Variants in RBFOX1 observed in about 807,000 individuals in gnomAD.
RBFOX1 encodes RNA binding protein fox-1 homolog 1.
A neutral mutation model predicts 57.7 loss-of-function variants in RBFOX1; 8 were observed. The ratio of observed to expected loss-of-function variants is 0.14; its 90% CI spans 0.08 to 0.25. The LOEUF is 0.25. RBFOX1 is among the 10% of genes least tolerant of loss of function. The pLI is 1.00. For missense variants in RBFOX1, 611 were observed against 548.5 expected, an observed-to-expected ratio of 1.11 and a Z score of -1.14; for synonymous variants, 326 against 222.4, an observed-to-expected ratio of 1.47 and a Z score of -4.15.
At chr16:5,750,945 C>T (rs570256917) in intron 3 of RBFOX1, among the ~76,000 whole-genome samples, 5 of 152,302 alleles carry the variant, frequency 3.3e-5, no homozygotes, top group South Asian at 2.1e-4. Context: ...CTGTCTTCTG[C>T]GTTGCTCACG....
chr16:5,239,769 G>GC (rs2062116776), upstream of RBFOX1: 3 of 579,756 alleles, frequency 5.2e-6, no homozygotes, highest in Non-Finnish European at 5.8e-6. Context: ...CGGCCCCGAT[G>GC]CCCAGCTCCG....
At chr16:5,768,208 C>T (rs1170886653) in intron 3 of RBFOX1, among the ~76,000 whole-genome samples, 2 of 152,128 alleles carry the variant, frequency 1.3e-5, no homozygotes, top group African/African-American at 2.4e-5. Flanking sequence ...GTTTTTGGAG[C>T]ATGAGAGAAG....
intron 1 of RBFOX1, among the ~76,000 whole-genome samples, chr16:6,032,052 G>C (rs2095298366): frequency 6.6e-6 from 1 of 151,762 alleles, no homozygotes; most frequent in African/African-American, 2.4e-5. Context: ...CGGCATTTTG[G>C]AGTGTGTTTT....
At chr16:6,845,778 C>G (rs745430472) in intron 3 of RBFOX1, among the ~76,000 whole-genome samples, 2 of 152,206 alleles carry the variant, frequency 1.3e-5, no homozygotes, top group African/African-American at 4.8e-5. Flanking sequence ...TTATCAGATC[C>G]TCAAACAAGT....
intron 1 of RBFOX1, among the ~76,000 whole-genome samples, chr16:5,369,281 C>T (rs368949745): frequency 6.6e-6 from 1 of 152,228 alleles, no homozygotes; most frequent in Non-Finnish European, 1.5e-5. Flanking sequence ...AGATTACAGG[C>T]ATAAGCCACC....
At chr16:6,803,260 T>C (rs1199148065) in intron 3 of RBFOX1, among the ~76,000 whole-genome samples, 2 of 152,134 alleles carry the variant, frequency 1.3e-5, no homozygotes, top group East Asian at 3.9e-4. Flanking sequence ...TGCATGAAAG[T>C]GCAAACTTCA....
chr16:5,817,180 GTGTGTGTGTGTT>G (rs1427197015), intron 3 of RBFOX1, among the ~76,000 whole-genome samples: 2 of 151,956 alleles, frequency 1.3e-5, no homozygotes, highest in East Asian at 3.9e-4. Flanking sequence ...CTATCTCTCT[GTGTGTGTGTGTT>G]TGTGTGTGTG....
At chr16:5,435,055 A>C (rs996641306) in intron 1 of RBFOX1, among the ~76,000 whole-genome samples, 4 of 152,226 alleles carry the variant, frequency 2.6e-5, no homozygotes, top group African/African-American at 9.6e-5. Flanking sequence ...TAAAAATTGC[A>C]AAAGCAGTAA....
intron 2 of RBFOX1, among the ~76,000 whole-genome samples, chr16:5,594,373 T>G (rs2047111340): frequency 6.6e-6 from 1 of 152,154 alleles, no homozygotes; most frequent in East Asian, 1.9e-4. Context: ...TCAGTTAATT[T>G]AGAAAGTTTA....
At chr16:5,297,849 T>C (rs1199655962) in intron 1 of RBFOX1, among the ~76,000 whole-genome samples, 6 of 152,238 alleles carry the variant, frequency 3.9e-5, no homozygotes, top group Admixed American at 2.6e-4. Flanking sequence ...GAAACACTTA[T>C]TCCCTTTTAA....
At chr16:5,822,246 G>C (rs912813263) in intron 3 of RBFOX1, among the ~76,000 whole-genome samples, 1 of 152,132 alleles carries the variant, frequency 6.6e-6, no homozygotes, top group Non-Finnish European at 1.5e-5. Context: ...GGATGCAAAG[G>C]CATAAGAATG....
At chr16:6,824,917 G>T (rs1301741122) in intron 3 of RBFOX1, among the ~76,000 whole-genome samples, 2 of 150,014 alleles carry the variant, frequency 1.3e-5, no homozygotes, top group East Asian at 3.9e-4. Flanking sequence ...TTCCCTAGAG[G>T]CAACCATTGG....
chr16:7,684,326 G>T, intron 14 of RBFOX1, among the ~76,000 whole-genome samples: 1 of 152,020 alleles, frequency 6.6e-6, no homozygotes, highest in East Asian at 1.9e-4. Context: ...ATTTAGAATA[G>T]GGGCCACTAT....
At chr16:6,197,593 G>A (rs1197046930) in intron 1 of RBFOX1, among the ~76,000 whole-genome samples, 1 of 151,450 alleles carries the variant, frequency 6.6e-6, no homozygotes, top group Non-Finnish European at 1.5e-5. Flanking sequence ...AATAGGAACA[G>A]TAGAGGACCA....
chr16:6,868,657 A>T (rs1164370729), intron 3 of RBFOX1, among the ~76,000 whole-genome samples: 1 of 152,024 alleles, frequency 6.6e-6, no homozygotes, highest in African/African-American at 2.4e-5. Flanking sequence ...TTTTTCCTAG[A>T]GATAGGGTTT....
At position 6,856,767 on chromosome 16, in the gene RBFOX1, C is replaced by T. The variant is rs960305165; in HGVS notation, c.-15-195290C>T. Reference sequence around the variant, plus strand: ...TGATGATCCATTTGTCAAAAACCGCCACTCAAGCACTAAGGAGATGTGTGT... The same window carrying T: ...TGATGATCCATTTGTCAAAAACCGCTACTCAAGCACTAAGGAGATGTGTGT... On this transcript the variant is annotated intron_variant, in intron 3 of 15. Transcript: ENST00000550418. Among the ~76,000 whole-genome samples, 8 of 152,112 alleles carry T rather than the reference C, an allele frequency of 5.3e-5. No individual in the cohort carries two copies. The East Asian group carries it at 9.7e-4, about 18-fold the overall frequency.
intron 2 of RBFOX1, among the ~76,000 whole-genome samples, chr16:6,393,982 G>C (rs771674819): frequency 1.3e-5 from 2 of 152,176 alleles, no homozygotes; most frequent in Non-Finnish European, 1.5e-5. Flanking sequence ...CAAGAATCTT[G>C]GAAGGCGTTT....
At chr16:6,528,091 G>T (rs1387633977) in intron 2 of RBFOX1, among the ~76,000 whole-genome samples, 2 of 152,006 alleles carry the variant, frequency 1.3e-5, no homozygotes, top group Non-Finnish European at 1.5e-5. Context: ...TCACCTTCAG[G>T]AAACCTTTCC....
Position 7,455,691 on chromosome 16 carries a change from G to A in RBFOX1, c.28-62456G>A, listed in dbSNP as rs140344487. Among the ~76,000 whole-genome samples the A allele has an allele frequency of 1.0e-2, 1,504 of 150,634 alleles. 32 individuals are homozygous for A. Among genetic ancestry groups the A allele is most frequent in the African/African-American group, 0.035 (1,446 of 41,016 alleles). On this transcript the variant is annotated intron_variant, in intron 4 of 15. Coordinates refer to ENST00000550418, the MANE Select transcript of RBFOX1 (RefSeq NM_018723.4). ...AGTCCCAGCTACTCAGGAGGCTGAG[G>A]TGGGAGAATTGCTTGACCTCAGGAG...
Sources: gnomAD v4.1 joint callset for allele counts (sites outside exome capture counted in the v4.1 genomes callset) on GRCh38, gnomAD v4.1.1 for gene constraint, MANE v1.5 for transcripts, NCBI Gene and HGNC (gene_info 2026-07-23, HGNC 2026-07-21) for gene names.